Variants in ACYP1 observed in about 807,000 individuals in gnomAD.
ACYP1 encodes the protein acylphosphatase 1, also known as acylphosphatase-1.
In ACYP1, 8 loss-of-function variants were observed where a neutral mutation model predicts 10.4. That is an observed-to-expected ratio of 0.77 (90% CI 0.45 to 1.38). ACYP1 has a LOEUF of 1.38. Among genes scored for constraint, ACYP1 ranks in the 40% most tolerant of loss-of-function variants. ACYP1 has a pLI of 0.00. For synonymous variants in ACYP1, 38 were observed against 40.8 expected, an observed-to-expected ratio of 0.93 and a Z score of 0.26; for missense variants, 93 against 117.3, an observed-to-expected ratio of 0.79 and a Z score of 0.96.
chr14:75,060,967 T>C (rs1892999665), intron 2 of ACYP1, among the ~76,000 whole-genome samples: 1 of 152,070 alleles, frequency 6.6e-6, no homozygotes, highest in African/African-American at 2.4e-5. Flanking sequence ...CCTGGGATGC[T>C]GAGGGAGAAG....
chr14:75,059,086 T>C (rs1212917650), intron 2 of ACYP1, among the ~76,000 whole-genome samples: 6 of 144,942 alleles, frequency 4.1e-5, no homozygotes, highest in African/African-American at 5.1e-5. Context: ...TAATCTCAGC[T>C]ACTCAGGAGA....
exon 1 of ACYP1, chr14:75,069,440 C>T (rs1266059246): frequency 1.8e-5 from 11 of 626,508 alleles, no homozygotes; most frequent in Non-Finnish European, 2.8e-5. Flanking sequence ...CCCTCCCCGG[C>T]TCCCCAAGGG....
chr14:75,059,806 T>A (rs1892973577), intron 2 of ACYP1: 1 of 153,876 alleles, frequency 6.5e-6, no homozygotes, highest in South Asian at 2.0e-4. Flanking sequence ...TTTACTTTCA[T>A]GATATAACAC....
upstream of ACYP1, among the ~76,000 whole-genome samples, chr14:75,064,992 C>T (rs1426324642): frequency 1.3e-5 from 2 of 152,180 alleles, no homozygotes; most frequent in African/African-American, 2.4e-5. Flanking sequence ...GCTAACTACA[C>T]AAATAAAGCA....
At chr14:75,068,866 G>A (rs900058735), upstream of ACYP1, among the ~76,000 whole-genome samples, 2 of 152,128 alleles carry the variant, frequency 1.3e-5, no homozygotes, top group African/African-American at 4.8e-5. Context: ...GGGAAAAAGC[G>A]AACTGCCTGT....
intron 2 of ACYP1, among the ~76,000 whole-genome samples, chr14:75,054,208 A>G (rs144778233): frequency 6.6e-6 from 1 of 152,328 alleles, no homozygotes; most frequent in African/African-American, 2.4e-5. Context: ...CTGTAGTGAA[A>G]CTGTCTAACC....
At chr14:75,061,968 G>C (rs987948169) in intron 2 of ACYP1, among the ~76,000 whole-genome samples, 4 of 151,920 alleles carry the variant, frequency 2.6e-5, no homozygotes, top group African/African-American at 9.7e-5. Context: ...GGGCATGGTG[G>C]CACATGCCTG....
chr14:75,064,150 A>T, upstream of ACYP1: 1 of 545,928 alleles, frequency 1.8e-6, no homozygotes, highest in Non-Finnish European at 2.3e-6. Flanking sequence ...GGATTTCAGG[A>T]CGCGGTTGTC....
intron 2 of ACYP1, among the ~76,000 whole-genome samples, chr14:75,059,066 A>C (rs1005656831): frequency 2.0e-5 from 3 of 151,020 alleles, no homozygotes; most frequent in African/African-American, 4.9e-5. Context: ...GGCGTGATAT[A>C]GCACACCTGT....
At chr14:75,061,138 G>A (rs543113624) in intron 2 of ACYP1, among the ~76,000 whole-genome samples, 5 of 152,248 alleles carry the variant, frequency 3.3e-5, no homozygotes, top group African/African-American at 1.2e-4. Context: ...ACAGAAAGTA[G>A]GTTAGTGGTT....
In ACYP1 at chr14:75,053,255, G is replaced by GT. The variant is rs938139542; in HGVS notation, c.*188dup. The GT allele has an allele frequency of 2.0e-5, 12 of 602,926 alleles. No individual in the cohort carries two copies. Among genetic ancestry groups the GT allele is most frequent in the Non-Finnish European group, 3.1e-5 (11 of 349,970 alleles). The allele number at this position is 602,926 out of a possible 1,614,324, so 37.3% of individuals were successfully genotyped here. A position where few individuals can be genotyped will look rare whatever the true frequency, so the allele number is the denominator to read the frequency against. The stretch of plus-strand genomic sequence containing the variant: ...AGTACTCTAAGCAGAAGGTTCTAAC[G>GT]TTTTTATTGATTAGATTTGTGTACA... On this transcript the variant is annotated 3_prime_UTR_variant, in exon 3 of 3. Coordinates refer to ENST00000238618, the MANE Select transcript of ACYP1 (RefSeq NM_001107.5).
At chr14:75,055,726 A>G (rs1401955121) in intron 2 of ACYP1, among the ~76,000 whole-genome samples, 1 of 151,642 alleles carries the variant, frequency 6.6e-6, no homozygotes, top group African/African-American at 2.4e-5. Context: ...AGGATACTAG[A>G]AAAAGAAGAG....
chr14:75,056,607 A>G lies in ACYP1; in HGVS notation c.85-2948T>C, dbSNP rs574713071. Reference sequence around the variant, plus strand: ...AAAAAACCATAGACCAATATCTCTTATGAACAGAGATGCAAAAATCATCAG... The same window carrying G: ...AAAAAACCATAGACCAATATCTCTTGTGAACAGAGATGCAAAAATCATCAG... On this transcript the variant is annotated intron_variant, in intron 2 of 2. Coordinates refer to ENST00000238618, the MANE Select transcript of ACYP1 (RefSeq NM_001107.5). Among the ~76,000 whole-genome samples, 5 of 151,554 alleles carry G rather than the reference A, an allele frequency of 3.3e-5. No homozygotes were observed. In the East Asian group the frequency reaches 7.7e-4, roughly 23 times the overall value.
At chr14:75,065,912 C>T (rs963235993), upstream of ACYP1, among the ~76,000 whole-genome samples, 1 of 152,192 alleles carries the variant, frequency 6.6e-6, no homozygotes, top group Non-Finnish European at 1.5e-5. Context: ...TCTACCAGCT[C>T]CCAGTATGTG....
At chr14:75,055,590 T>C (rs1435786205) in intron 2 of ACYP1, among the ~76,000 whole-genome samples, 1 of 151,526 alleles carries the variant, frequency 6.6e-6, no homozygotes, top group Non-Finnish European at 1.5e-5. Flanking sequence ...AAAAAGTGAA[T>C]TCTACCTCAT....
Position 75,053,411 on chromosome 14 carries a change from T to A in ACYP1, c.*33A>T. 4 of 1,583,028 alleles carry A rather than the reference T, an allele frequency of 2.5e-6. No individual in the cohort carries two copies. Among genetic ancestry groups the A allele is most frequent in the Non-Finnish European group, 3.5e-6 (4 of 1,152,286 alleles). On this transcript the variant is annotated 3_prime_UTR_variant, in exon 3 of 3. Transcript: ENST00000238618. ...CTATTAATAATAAAAACCAAACCACTGAGTTTATCTTAGAAAACTTAAATT... is the reference window on the plus strand; with the variant it reads ...CTATTAATAATAAAAACCAAACCACAGAGTTTATCTTAGAAAACTTAAATT...
chr14:75,063,124 C>T, intron 2 of ACYP1: 1 of 261,966 alleles, frequency 3.8e-6, no homozygotes, highest in Non-Finnish European at 7.5e-6. Context: ...AATGCCAGCT[C>T]TTCAATCAAT....
chr14:75,053,623 G>A lies in ACYP1; in HGVS notation c.121C>T (p.Gln41Ter). ...GKKLGLVGWVQNTDRGTVQGQ... is the reference protein window; with the variant it reads ...GKKLGLVGWV ...TGCACTGTGCCCCGGTCAGTGTTCT[G>A]GACCCAGCCTACCAATCCCAGCTTT... The change falls in exon 3 of 3, where the codon CAG becomes TAG. Residue 41 changes from glutamine (Q) to a stop codon, truncating the protein, a stop_gained. Transcript: ENST00000238618. LOFTEE classifies it high-confidence loss of function. 6.2e-7 allele frequency: 1 copy of A among 1,614,116 alleles called. No individual in the cohort carries two copies. Among genetic ancestry groups the A allele is most frequent in the Non-Finnish European group, 8.5e-7 (1 of 1,180,038 alleles).
intron 2 of ACYP1, among the ~76,000 whole-genome samples, chr14:75,057,427 A>G (rs1892902803): frequency 6.6e-6 from 1 of 151,568 alleles, no homozygotes; most frequent in Admixed American, 6.6e-5. Context: ...TTACTACCCA[A>G]TTGATCTACA....
Sources: allele counts gnomAD v4.1 joint callset (sites outside exome capture counted in the v4.1 genomes callset), GRCh38; gene constraint gnomAD v4.1.1; transcripts MANE v1.5; gene names NCBI Gene and HGNC (gene_info 2026-07-23, HGNC 2026-07-21).